The following TMEM178B variants were observed in gnomAD, a reference collection of about 807,000 sequenced individuals.
The protein encoded by TMEM178B is transmembrane protein 178B.
In TMEM178B, 5 loss-of-function variants were observed where a neutral mutation model predicts 31.0. The ratio of observed to expected loss-of-function variants is 0.16; its 90% CI spans 0.08 to 0.34. The LOEUF (loss-of-function observed/expected upper bound fraction) is 0.34, where lower values mean the gene tolerates loss of function less well. Among genes scored for constraint, TMEM178B ranks in the 10% least tolerant of loss-of-function variants. The probability of loss-of-function intolerance (pLI) is 1.00; values close to 1 mark genes in which losing one functional copy is unlikely to be tolerated. For missense variants in TMEM178B, 275 were observed against 400.3 expected, an observed-to-expected ratio of 0.69 and a Z score of 2.67; for synonymous variants, 164 against 164.0, an observed-to-expected ratio of 1.00 and a Z score of 0.00.
intron 1 of TMEM178B, among the ~76,000 whole-genome samples, chr7:141,210,428 A>G (rs1797035962): frequency 6.6e-6 from 1 of 152,162 alleles, no homozygotes; most frequent in African/African-American, 2.4e-5. Context: ...GCGCCATTGC[A>G]CTCCAACCTG....
intron 1 of TMEM178B, among the ~76,000 whole-genome samples, chr7:141,170,238 T>C (rs1249598204): frequency 1.3e-5 from 2 of 152,218 alleles, no homozygotes; most frequent in Non-Finnish European, 2.9e-5. Context: ...ATGTTTGTAT[T>C]AATTTATTCT....
chr7:141,090,287 G>A (rs1794860817), intron 1 of TMEM178B, among the ~76,000 whole-genome samples: 1 of 152,092 alleles, frequency 6.6e-6, no homozygotes, highest in East Asian at 1.9e-4. Flanking sequence ...TGACCTCAAG[G>A]GGTCCTCCCA....
chr7:141,161,974 CTG>C (rs1796182331), intron 1 of TMEM178B, among the ~76,000 whole-genome samples: 2 of 151,798 alleles, frequency 1.3e-5, no homozygotes, highest in African/African-American at 4.8e-5. Flanking sequence ...GTGTGTGTGT[CTG>C]TGTGCACTTG....
Position 141,476,004 on chromosome 7 carries a change from A to G in TMEM178B, c.*5218A>G, listed in dbSNP as rs1421965059. On this transcript the variant is annotated 3_prime_UTR_variant, in exon 4 of 4. Transcript: ENST00000565468. ...AGGATAAGTGATAACACCTTACCTC[A>G]TGGTATATTAAGGGTGACAAAGAAA... 2 of 152,176 alleles carry G rather than the reference A, an allele frequency of 1.3e-5. No homozygotes were observed. The highest frequency in any genetic ancestry group is 3.8e-4 in the East Asian group (2 of 5,196). The allele number at this position is 152,176 out of a possible 1,614,324, so 9.4% of individuals were successfully genotyped here.
intron 2 of TMEM178B, among the ~76,000 whole-genome samples, chr7:141,386,462 T>C (rs1342001538): frequency 2.2e-4 from 33 of 152,230 alleles, no homozygotes; most frequent in Admixed American, 2.2e-3. Context: ...CTTGTATTCT[T>C]GGTTTTTTGT....
rs543997558 is a variant in TMEM178B at position 141,319,026 on chromosome 7, TG to T, written c.496+106323del. ...GAGAGAATTGTCAAAAACTGCAAAATGTGATTCTAGCTGATCTCCAAAAAAG... is the reference window on the plus strand; with the variant it reads ...GAGAGAATTGTCAAAAACTGCAAAATTGATTCTAGCTGATCTCCAAAAAAG... On this transcript the variant is annotated intron_variant, in intron 2 of 3. Coordinates refer to ENST00000565468, the MANE Select transcript of TMEM178B (RefSeq NM_001195278.2). Among the ~76,000 whole-genome samples, 998 of 152,152 alleles carry T rather than the reference TG, an allele frequency of 6.6e-3. 9 individuals carry two copies. The highest frequency in any genetic ancestry group is 0.023 in the African/African-American group (949 of 41,502).
At chr7:141,448,606 C>T (rs923713816) in intron 3 of TMEM178B, among the ~76,000 whole-genome samples, 26 of 152,230 alleles carry the variant, frequency 1.7e-4, no homozygotes, top group Non-Finnish European at 2.9e-4. Flanking sequence ...TTCCTGTAGA[C>T]AGTAAGGTCA....
intron 2 of TMEM178B, among the ~76,000 whole-genome samples, chr7:141,248,751 G>T (rs564731023): frequency 6.6e-6 from 1 of 152,322 alleles, no homozygotes; most frequent in African/African-American, 2.4e-5. Context: ...CTCTGGGTGA[G>T]TCGGTGAGTG....
At chr7:141,381,389 G>C (rs533577059) in intron 2 of TMEM178B, among the ~76,000 whole-genome samples, 3 of 152,194 alleles carry the variant, frequency 2.0e-5, no homozygotes, top group Non-Finnish European at 4.4e-5. Flanking sequence ...TGATATTCCT[G>C]TGCCACACTT....
intron 2 of TMEM178B, among the ~76,000 whole-genome samples, chr7:141,416,988 A>C (rs1329810714): frequency 1.3e-5 from 2 of 152,254 alleles, no homozygotes; most frequent in Non-Finnish European, 2.9e-5. Context: ...GCGTTGGAAA[A>C]CATAAAAGCA....
At chr7:141,378,325 C>T (rs1184824884) in intron 2 of TMEM178B, among the ~76,000 whole-genome samples, 2 of 152,218 alleles carry the variant, frequency 1.3e-5, no homozygotes, top group Non-Finnish European at 2.9e-5. Context: ...GACCCCTCCA[C>T]TACTTTTCTA....
At chr7:141,510,626 G>A in the TMEM178B span, among the ~76,000 whole-genome samples, 21 of 136,294 alleles carry the variant, frequency 1.5e-4, no homozygotes, top group African/African-American at 4.3e-4. Context: ...CGGAGGTTGC[G>A]GTGAGCCAAG....
chr7:141,501,881 T>TA, the TMEM178B span, among the ~76,000 whole-genome samples: 1 of 151,642 alleles, frequency 6.6e-6, no homozygotes. Flanking sequence ...TGTCCCCAGA[T>TA]AAAATCTCAC....
the TMEM178B span, among the ~76,000 whole-genome samples, chr7:141,506,791 C>A: frequency 6.6e-6 from 1 of 152,170 alleles, no homozygotes; most frequent in Non-Finnish European, 1.5e-5. Flanking sequence ...TGAGACAAGG[C>A]AAGTCCCTTC....
At chr7:141,450,588 A>T (rs1801845120) in intron 3 of TMEM178B, among the ~76,000 whole-genome samples, 1 of 152,132 alleles carries the variant, frequency 6.6e-6, no homozygotes, top group South Asian at 2.1e-4. Context: ...TCACCCAAAA[A>T]GGGGGGAAAG....
chr7:141,476,152 T>A lies in TMEM178B; in HGVS notation c.*5366T>A, dbSNP rs1802360858. 6.6e-6 allele frequency: 1 copy of A among 152,264 alleles called. No homozygotes were observed. The highest frequency in any genetic ancestry group is 1.5e-5 in the Non-Finnish European group (1 of 68,056). The allele number at this position is 152,264 out of a possible 1,614,324, so 9.4% of individuals were successfully genotyped here. On this transcript the variant is annotated 3_prime_UTR_variant, in exon 4 of 4. Coordinates refer to ENST00000565468, the MANE Select transcript of TMEM178B (RefSeq NM_001195278.2). ...GTGTCTGTGCCTCGCTGCTGAAGGATAACCCAGAGTGCAAGGTCATCTTTG... is the reference window on the plus strand; with the variant it reads ...GTGTCTGTGCCTCGCTGCTGAAGGAAAACCCAGAGTGCAAGGTCATCTTTG...
At chr7:141,466,655 C>T (rs1002653773) in intron 3 of TMEM178B, among the ~76,000 whole-genome samples, 1 of 152,052 alleles carries the variant, frequency 6.6e-6, no homozygotes, top group Non-Finnish European at 1.5e-5. Flanking sequence ...GACCTCAATC[C>T]CATCCACAGC....
intron 1 of TMEM178B, among the ~76,000 whole-genome samples, chr7:141,178,870 T>G (rs1037632010): frequency 7.2e-5 from 11 of 152,148 alleles, no homozygotes; most frequent in Non-Finnish European, 1.6e-4. Flanking sequence ...TTGCTAGACT[T>G]TTGTCTAGAG....
intron 2 of TMEM178B, among the ~76,000 whole-genome samples, chr7:141,262,358 T>C (rs1022664241): frequency 4.0e-5 from 6 of 151,668 alleles, no homozygotes; most frequent in African/African-American, 1.2e-4. Flanking sequence ...GGCCGAGAAA[T>C]GATTTCAAAT....
Sources: allele counts gnomAD v4.1 joint callset (sites outside exome capture counted in the v4.1 genomes callset), GRCh38; gene constraint gnomAD v4.1.1; transcripts MANE v1.5; gene names NCBI Gene and HGNC (gene_info 2026-07-23, HGNC 2026-07-21).